Variants in MFNG observed in about 807,000 individuals in gnomAD.
MFNG encodes beta-1,3-N-acetylglucosaminyltransferase manic fringe.
MFNG carries 24 observed loss-of-function variants against 34.2 expected under a neutral mutation model. That is an observed-to-expected ratio of 0.70 (90% CI 0.51 to 0.99). The LOEUF (loss-of-function observed/expected upper bound fraction) is 0.99, where lower values mean the gene tolerates loss of function less well. Among genes scored for constraint, MFNG ranks in the 50% least tolerant of loss-of-function variants. The probability of loss-of-function intolerance (pLI) is 0.00; values close to 1 mark genes in which losing one functional copy is unlikely to be tolerated. For synonymous variants in MFNG, 158 were observed against 179.2 expected (o/e 0.88, Z 0.94); for missense variants, 383 against 424.0 (o/e 0.90, Z 0.85).
Position 37,472,401 on chromosome 22 carries a change from G to A in MFNG, c.899+42C>T, listed in dbSNP as rs746427246. The A allele has an allele frequency of 1.3e-5, 19 of 1,462,988 alleles. No homozygotes were observed. The African/African-American group carries it at 1.8e-4, about 14-fold the overall frequency. The allele number at this position is 1,462,988 out of a possible 1,614,324, so 90.6% of individuals were successfully genotyped here. A position where few individuals can be genotyped will look rare whatever the true frequency, so the allele number is the denominator to read the frequency against. On this transcript the variant is annotated intron_variant, in intron 7 of 7. Coordinates refer to ENST00000356998, the MANE Select transcript of MFNG (RefSeq NM_002405.4). ...CCCCATGTTTGGATGCCTGGACTCA[G>A]CCCCCACTCCTCCCATCCAAGGTTC...
rs1167483750 is a variant in MFNG, at chr22:37,485,024, C to T, written c.255+899G>A. ...ACCCATTCTCCACCTCCCCCATCAACGGTCCCTAACACCGACATCACTAAC... is the reference window on the plus strand; with the variant it reads ...ACCCATTCTCCACCTCCCCCATCAATGGTCCCTAACACCGACATCACTAAC... On this transcript the variant is annotated intron_variant, in intron 1 of 7. Coordinates refer to ENST00000356998, the MANE Select transcript of MFNG (RefSeq NM_002405.4). This position sits in a 1 kb window ranked among gnomAD's most constrained non-coding sequence, Gnocchi z 5.3. Among the ~76,000 whole-genome samples the T allele has an allele frequency of 2.0e-5, 3 of 152,146 alleles. No individual in the cohort carries two copies. Among genetic ancestry groups the T allele is most frequent in the South Asian group, 2.1e-4 (1 of 4,810 alleles).
At position 37,469,343 on chromosome 22, in the gene MFNG, T is replaced by C; in HGVS notation, c.*620A>G. On this transcript the variant is annotated 3_prime_UTR_variant, in exon 8 of 8. Coordinates refer to ENST00000356998, the MANE Select transcript of MFNG (RefSeq NM_002405.4). ...AAATGAGCAAAAAGGATCATCACAA[T>C]TGGCTGGGACCCGTTATGCTCCATC... 1 of 170,418 alleles carries C rather than the reference T, an allele frequency of 5.9e-6. No individual in the cohort carries two copies. The allele number at this position is 170,418 out of a possible 1,614,324, so 10.6% of individuals were successfully genotyped here.
At chr22:37,471,459 A>G (rs528928902) in intron 7 of MFNG, among the ~76,000 whole-genome samples, 3 of 152,130 alleles carry the variant, frequency 2.0e-5, no homozygotes, top group African/African-American at 4.8e-5. Flanking sequence ...CTGGGGTTGG[A>G]CTGATGGGCC....
intron 7 of MFNG, among the ~76,000 whole-genome samples, chr22:37,471,830 CAAAAAAAAAA>C (rs913243094): frequency 5.6e-5 from 2 of 35,512 alleles, no homozygotes; most frequent in Non-Finnish European, 1.0e-4. Flanking sequence ...GGCTCCATCT[CAAAAAAAAAA>C]AAAAAAAAAA....
At position 37,478,796 on chromosome 22, in the gene MFNG, A is replaced by G. The variant is rs189061914; in HGVS notation, c.561+549T>C. 5.1e-3 allele frequency among the ~76,000 whole-genome samples: 773 copies of G among 151,984 alleles called. 6 individuals are homozygous for G. Among genetic ancestry groups the G allele is most frequent in the African/African-American group, 0.017 (711 of 41,420 alleles). ...TGGGTTCAAGCGATTCTCCTCTCTC[A>G]GCCTCCCGAGTAGCTGGGACTACAG... On this transcript the variant is annotated intron_variant, in intron 4 of 7. Coordinates refer to ENST00000356998, the MANE Select transcript of MFNG (RefSeq NM_002405.4).
chr22:37,479,509 GA>G lies in MFNG; in HGVS notation c.408-12del. 1 of 1,609,894 alleles carries G rather than the reference GA, an allele frequency of 6.2e-7. No individual in the cohort carries two copies. Among genetic ancestry groups the G allele is most frequent in the East Asian group, 2.3e-5 (1 of 44,422 alleles). ...ACATGGCAGAACCACCTGTAGGGAT[GA>G]AACGGGGACAGTGAACTTGTTGGGG... On this transcript the variant is annotated splice_polypyrimidine_tract_variant and intron_variant, in intron 3 of 7. Coordinates refer to ENST00000356998, the MANE Select transcript of MFNG (RefSeq NM_002405.4).
In MFNG at chr22:37,486,293, G is replaced by A; in HGVS notation, c.-116C>T. 1.6e-6 allele frequency: 2 copies of A among 1,216,410 alleles called. No individual in the cohort carries two copies. The highest frequency in any genetic ancestry group is 2.2e-6 in the Non-Finnish European group (2 of 910,482). The allele number at this position is 1,216,410 out of a possible 1,614,324, so 75.4% of individuals were successfully genotyped here. A position where few individuals can be genotyped will look rare whatever the true frequency, so the allele number is the denominator to read the frequency against. Reference sequence around the variant, plus strand: ...AAAAGTCTGGCAGGCATCAGGGGCTGGCAAGGAGGGAAGAGGTAGGAGCTG... The same window carrying A: ...AAAAGTCTGGCAGGCATCAGGGGCTAGCAAGGAGGGAAGAGGTAGGAGCTG... On this transcript the variant is annotated 5_prime_UTR_variant, in exon 1 of 8. Transcript: ENST00000356998.
chr22:37,479,807 C>G (rs1406405249), intron 3 of MFNG, among the ~76,000 whole-genome samples: 1 of 152,082 alleles, frequency 6.6e-6, no homozygotes, highest in East Asian at 1.9e-4. Flanking sequence ...AGTTCGAGAC[C>G]AGCCTGGCCA....
rs200212840 is a variant in MFNG at position 37,480,183 on chromosome 22, C to A, written c.407+14G>T. On this transcript the variant is annotated intron_variant, in intron 3 of 7. Transcript: ENST00000356998. ...CCAGACCACACTTATCCCCAGAGAC[C>A]CAGGAACACTCGCCTAAGCCCACTG... 8 of 1,595,134 alleles carry A rather than the reference C, an allele frequency of 5.0e-6. 1 individual carries two copies. In the Admixed American group the frequency reaches 1.0e-4, roughly 20 times the overall value.
At chr22:37,476,855 C>A in intron 5 of MFNG, 41 bp downstream of exon 5, 1 of 1,518,386 alleles carries the variant, frequency 6.6e-7, no homozygotes, top group Non-Finnish European at 9.1e-7. Context: ...CAGCTGCCAC[C>A]CCCTCCCCGC....
chr22:37,474,895 G>T (rs994090137), intron 5 of MFNG, among the ~76,000 whole-genome samples: 1 of 152,230 alleles, frequency 6.6e-6, no homozygotes, highest in Non-Finnish European at 1.5e-5. Context: ...TCTTCGTGGA[G>T]CTGTCGTGAG....
Position 37,483,864 on chromosome 22 carries a change from G to C in MFNG, c.255+2059C>G, listed in dbSNP as rs376718311. The stretch of plus-strand genomic sequence containing the variant: ...CAGGTCCAGAGGGGGCGGGGGCACA[G>C]GAGAGGGCAGTGAGGCTGGCGCTTT... On this transcript the variant is annotated intron_variant, in intron 1 of 7. Coordinates refer to ENST00000356998, the MANE Select transcript of MFNG (RefSeq NM_002405.4). The surrounding 1 kb of genome is among the most constrained non-coding windows in gnomAD (Gnocchi z 4.5). Among the ~76,000 whole-genome samples the C allele has an allele frequency of 5.1e-3, 779 of 152,346 alleles. 4 individuals carry two copies. The highest frequency in any genetic ancestry group is 0.018 in the African/African-American group (737 of 41,572).
In MFNG at chr22:37,469,776, C is replaced by A; in HGVS notation, c.*187G>T. The stretch of plus-strand genomic sequence containing the variant: ...CCACCTGGTCCCCTGGGCTGTCTAA[C>A]TCACCTCCCAGGGGCCTGGGGTGCC... On this transcript the variant is annotated 3_prime_UTR_variant, in exon 8 of 8. Coordinates refer to ENST00000356998, the MANE Select transcript of MFNG (RefSeq NM_002405.4). 1 of 700,004 alleles carries A rather than the reference C, an allele frequency of 1.4e-6. No homozygotes were observed. Among genetic ancestry groups the A allele is most frequent in the African/African-American group, 1.8e-5 (1 of 56,932 alleles). 43.4% of individuals were successfully genotyped at this position (700,004 alleles called of 1,614,324 possible). A position where few individuals can be genotyped will look rare whatever the true frequency, so the allele number is the denominator to read the frequency against.
At chr22:37,480,140 G>C in intron 3 of MFNG, 57 bp downstream of exon 3, 7 of 1,405,078 alleles carry the variant, frequency 5.0e-6, no homozygotes, top group Non-Finnish European at 6.9e-6. Context: ...GGAGTCCCAG[G>C]GGTTATTTTC....
Position 37,486,364 on chromosome 22 carries a change from G to A in MFNG, c.-187C>T. 1.9e-6 allele frequency: 1 copy of A among 530,874 alleles called. No individual in the cohort carries two copies. Among genetic ancestry groups the A allele is most frequent in the Non-Finnish European group, 3.0e-6 (1 of 338,382 alleles). The allele number at this position is 530,874 out of a possible 1,614,324, so 32.9% of individuals were successfully genotyped here. A position where few individuals can be genotyped will look rare whatever the true frequency, so the allele number is the denominator to read the frequency against. On this transcript the variant is annotated 5_prime_UTR_variant, in exon 1 of 8. Coordinates refer to ENST00000356998, the MANE Select transcript of MFNG (RefSeq NM_002405.4). ...GAGCCATGGCAGCACGATCTCGACC[G>A]CCGCCAGTCCTCCACCTGCTCCCGC...
intron 5 of MFNG, among the ~76,000 whole-genome samples, chr22:37,476,656 G>A (rs1248982890): frequency 1.3e-5 from 2 of 152,176 alleles, no homozygotes; most frequent in African/African-American, 4.8e-5. Context: ...GGGGGGACTG[G>A]GGCTCTTGGA....
intron 7 of MFNG, among the ~76,000 whole-genome samples, chr22:37,471,606 G>A (rs574390249): frequency 6.2e-4 from 94 of 152,180 alleles, no homozygotes; most frequent in Non-Finnish European, 1.1e-3. Context: ...CAAGGCAGGC[G>A]GATCACTTGA....
rs1218062298 is a variant in MFNG at position 37,482,077 on chromosome 22, G to A, written c.256-1308C>T. ...TTTCAGGGGAAACTGAGGCATAGGA[G>A]GCCAGGAGGCCGGGAGCCAGGTTTG... On this transcript the variant is annotated intron_variant, in intron 1 of 7. Coordinates refer to ENST00000356998, the MANE Select transcript of MFNG (RefSeq NM_002405.4). The surrounding 1 kb of genome is among the most constrained non-coding windows in gnomAD (Gnocchi z 4.1). Among the ~76,000 whole-genome samples the A allele has an allele frequency of 2.0e-5, 3 of 152,216 alleles. No homozygotes were observed. Among genetic ancestry groups the A allele is most frequent in the Non-Finnish European group, 4.4e-5 (3 of 68,036 alleles).
rs757390521 is a variant in MFNG at position 37,485,947 on chromosome 22, C to T, written c.231G>A (p.Thr77=). 73 of 1,613,396 alleles carry T rather than the reference C, an allele frequency of 4.5e-5. No individual in the cohort carries two copies. The highest frequency in any genetic ancestry group is 5.5e-5 in the South Asian group (5 of 91,014). ...CCTGTTCCCTGGTCCTGGAAACCCA[C>T]GTGTCAAGCAGCAGCTCCAGGCGCA... The part of the protein sequence containing the change: ...HRLRLELLLD[T]WVSRTREQTF... The change falls in exon 1 of 8, where the codon ACG becomes ACA. Residue 77 remains threonine (T), a synonymous_variant. Coordinates refer to ENST00000356998, the MANE Select transcript of MFNG (RefSeq NM_002405.4). This position sits in a 1 kb window ranked among gnomAD's most constrained non-coding sequence, Gnocchi z 5.3.
Sources: allele counts gnomAD v4.1 joint callset (sites outside exome capture counted in the v4.1 genomes callset), GRCh38; gene constraint gnomAD v4.1.1; non-coding constraint Gnocchi (gnomAD v3.1); transcripts MANE v1.5; gene names NCBI Gene and HGNC (gene_info 2026-07-23, HGNC 2026-07-21).